PIEZO2: variants seen among roughly 807,000 people sequenced by gnomAD.
PIEZO2 encodes the protein piezo-type mechanosensitive ion channel component 2.
PIEZO2 carries 172 observed loss-of-function variants against 337.3 expected under a neutral mutation model. That is an observed-to-expected ratio of 0.51 (90% confidence interval 0.45 to 0.58). The LOEUF (loss-of-function observed/expected upper bound fraction) is 0.58, where lower values mean the gene tolerates loss of function less well. Ranked by LOEUF, PIEZO2 falls within the 20% of genes least tolerant of loss-of-function variation. The pLI, the probability that PIEZO2 is intolerant of heterozygous loss-of-function variation, is 0.00. For synonymous variants in PIEZO2, 1,251 were observed against 1,228.5 expected (o/e 1.02, Z -0.38); for missense variants, 3,028 against 3,391.3 (o/e 0.89, Z 2.66).
intron 2 of PIEZO2, among the ~76,000 whole-genome samples, chr18:11,042,137 A>T (rs2037145982): frequency 6.6e-6 from 1 of 152,222 alleles, no homozygotes; most frequent in Admixed American, 6.5e-5. Context: ...ATGATCAAAT[A>T]TACTTTCATT....
At chr18:11,019,192 T>A (rs891556702) in intron 2 of PIEZO2, among the ~76,000 whole-genome samples, 4 of 152,206 alleles carry the variant, frequency 2.6e-5, no homozygotes, top group Non-Finnish European at 2.9e-5. Context: ...CTTCTAAGGG[T>A]CCTCCCTGTT....
At position 11,132,129 on chromosome 18, in the gene PIEZO2, G is replaced by A. The variant is rs552941498; in HGVS notation, c.64+16396C>T. 5.3e-5 allele frequency among the ~76,000 whole-genome samples: 8 copies of A among 152,288 alleles called. No homozygotes were observed. Among genetic ancestry groups the A allele is most frequent in the Admixed American group, 4.6e-4 (7 of 15,304 alleles). ...TGGACCTCTTCCAACATGGAAAGAG[G>A]AGAGATTTGTTCTCACTGGAATAGA... On this transcript the variant is annotated intron_variant, in intron 1 of 55. Transcript: ENST00000674853. The surrounding 1 kb of genome is among the most constrained non-coding windows in gnomAD (Gnocchi z 4.7).
intron 1 of PIEZO2, among the ~76,000 whole-genome samples, chr18:11,076,015 T>C (rs946095076): frequency 1.3e-5 from 2 of 152,122 alleles, no homozygotes; most frequent in Admixed American, 6.5e-5. Context: ...CTGGATCTCC[T>C]GACCTTGTGA....
At chr18:10,694,768 A>G (rs2035009597) in intron 47 of PIEZO2, among the ~76,000 whole-genome samples, 1 of 152,146 alleles carries the variant, frequency 6.6e-6, no homozygotes, top group African/African-American at 2.4e-5. Flanking sequence ...CCAGGAGTTC[A>G]AGGTTGCAGT....
In PIEZO2 at chr18:11,143,155, G is replaced by C. The variant is rs558642848; in HGVS notation, c.64+5370C>G. Among the ~76,000 whole-genome samples, 5 of 151,122 alleles carry C rather than the reference G, an allele frequency of 3.3e-5. No individual in the cohort carries two copies. Among genetic ancestry groups the C allele is most frequent in the Non-Finnish European group, 5.9e-5 (4 of 67,774 alleles). On this transcript the variant is annotated intron_variant, in intron 1 of 55. Transcript: ENST00000674853. This position sits in a 1 kb window ranked among gnomAD's most constrained non-coding sequence, Gnocchi z 4.9. ...CCTCAGTTCAATGGGATTTTTTTTT[G>C]ACTGATTCCATGTCCTCAAGACAAC...
intron 36 of PIEZO2, chr18:10,725,293 G>C: frequency 3.2e-6 from 5 of 1,578,774 alleles, no homozygotes; most frequent in African/African-American, 1.3e-5. Flanking sequence ...GTCCATTGTG[G>C]GTAAATACAG....
At chr18:10,720,864 G>A (rs953139510) in intron 36 of PIEZO2, among the ~76,000 whole-genome samples, 15 of 152,152 alleles carry the variant, frequency 9.9e-5, no homozygotes, top group East Asian at 5.8e-4. Context: ...ATCCGGTCTT[G>A]ACCAGCTAAG....
chr18:10,973,965 G>T lies in PIEZO2; in HGVS notation c.286+5570C>A, dbSNP rs1385416823. Among the ~76,000 whole-genome samples, 2 of 152,166 alleles carry T rather than the reference G, an allele frequency of 1.3e-5. No individual in the cohort carries two copies. The highest frequency in any genetic ancestry group is 4.8e-5 in the African/African-American group (2 of 41,430). On this transcript the variant is annotated intron_variant, in intron 3 of 55. Transcript: ENST00000674853. The surrounding 1 kb of genome is among the most constrained non-coding windows in gnomAD (Gnocchi z 4.9). ...ATTTGTATGAGGATGGATCCACCAG[G>T]TGATTCTGCAGATCTAGGGTCCATC...
In PIEZO2 at chr18:10,763,066, A is replaced by G; in HGVS notation, c.2979T>C (p.Ser993=). Residue 993 remains serine, a synonymous_variant, in exon 22 of 56, where the codon TCT becomes TCC. Transcript: ENST00000674853. ...VSLFNYVFLI[S]WAFALPYAKL... is the part of the protein sequence containing the mutation. ...TGGCGTACGGCAGAGCAAAAGCCCA[A>G]GAAATCAAAAATACATAGTTGAACA... 1 of 1,537,360 alleles carries G rather than the reference A, an allele frequency of 6.5e-7. No individual in the cohort carries two copies. Among genetic ancestry groups the G allele is most frequent in the South Asian group, 1.2e-5 (1 of 84,066 alleles).
rs754639151 is a variant in PIEZO2 at position 10,903,111 on chromosome 18, C to T, written c.329+8075G>A. Among the ~76,000 whole-genome samples the T allele has an allele frequency of 6.0e-4, 91 of 152,176 alleles. No individual in the cohort carries two copies. The highest frequency in any genetic ancestry group is 8.1e-4 in the Non-Finnish European group (55 of 68,040). The stretch of plus-strand genomic sequence containing the variant: ...ATTCCAGAATCCTTCCTCCCCTACA[C>T]GCTGACAGTCAATTATTCACCAAGT... On this transcript the variant is annotated intron_variant, in intron 4 of 55. Transcript: ENST00000674853. This position sits in a 1 kb window ranked among gnomAD's most constrained non-coding sequence, Gnocchi z 4.1.
intron 21 of PIEZO2, among the ~76,000 whole-genome samples, chr18:10,768,650 A>G (rs1374993881): frequency 6.6e-6 from 1 of 152,226 alleles, no homozygotes; most frequent in African/African-American, 2.4e-5. Context: ...GAAAATTCTG[A>G]AAGTCTGCAC....
At chr18:10,907,407 C>A (rs1246581710) in intron 4 of PIEZO2, among the ~76,000 whole-genome samples, 1 of 151,206 alleles carries the variant, frequency 6.6e-6, no homozygotes, top group Admixed American at 6.6e-5. Flanking sequence ...CACGCCGCTG[C>A]ATTCCAGTCT....
intron 52 of PIEZO2, among the ~76,000 whole-genome samples, chr18:10,679,589 T>C (rs1567939975): frequency 2.0e-5 from 3 of 152,252 alleles, no homozygotes. Context: ...CCTTCATTTC[T>C]AGTGTTTATG....
At chr18:10,788,352 TGA>T (rs754808687) in intron 15 of PIEZO2, among the ~76,000 whole-genome samples, 1 of 142,070 alleles carries the variant, frequency 7.0e-6, no homozygotes. Flanking sequence ...CAGTGAGCAA[TGA>T]GCAGAGATCA....
chr18:11,026,060 G>A (rs544215232), intron 2 of PIEZO2, among the ~76,000 whole-genome samples: 1 of 152,222 alleles, frequency 6.6e-6, no homozygotes, highest in East Asian at 1.9e-4. Flanking sequence ...CCCTGAACTG[G>A]TAGTTCAGAT....
At chr18:10,891,864 A>G (rs148566923) in intron 4 of PIEZO2, among the ~76,000 whole-genome samples, 8 of 152,316 alleles carry the variant, frequency 5.3e-5, no homozygotes, top group Admixed American at 3.3e-4. Context: ...AAATGAAAAT[A>G]TAAATTTGTA....
chr18:10,995,312 A>G lies in PIEZO2; in HGVS notation c.161-15652T>C, dbSNP rs903998550. Among the ~76,000 whole-genome samples the G allele has an allele frequency of 1.4e-4, 21 of 152,022 alleles. No homozygotes were observed. In the East Asian group the frequency reaches 2.7e-3, roughly 20 times the overall value. Reference sequence around the variant, plus strand: ...ATTCATGACTTTAACCCACTTTTGGATGGGATTGTTTGTTTTTTCTTGCTA... The same window carrying G: ...ATTCATGACTTTAACCCACTTTTGGGTGGGATTGTTTGTTTTTTCTTGCTA... On this transcript the variant is annotated intron_variant, in intron 2 of 55. Transcript: ENST00000674853.
Position 10,726,448 on chromosome 18 carries a change from C to A in PIEZO2, c.5029+4959G>T. The A allele has an allele frequency of 6.5e-7, 1 of 1,529,722 alleles. No homozygotes were observed. Among genetic ancestry groups the A allele is most frequent in the Non-Finnish European group, 8.7e-7 (1 of 1,144,864 alleles). The allele number at this position is 1,529,722 out of a possible 1,614,324, so 94.8% of individuals were successfully genotyped here. On this transcript the variant is annotated intron_variant, in intron 36 of 55. Transcript: ENST00000674853. The surrounding 1 kb of genome is among the most constrained non-coding windows in gnomAD (Gnocchi z 5.9). ...GGCCGGCTGCGGTACGGGCTACGGCCGGCGAACCCCACGAGGAGGGCCTGG... is the reference window on the plus strand; with the variant it reads ...GGCCGGCTGCGGTACGGGCTACGGCAGGCGAACCCCACGAGGAGGGCCTGG...
chr18:10,757,388 TG>T (rs1457487012), intron 27 of PIEZO2, among the ~76,000 whole-genome samples: 4 of 131,442 alleles, frequency 3.0e-5, no homozygotes, highest in African/African-American at 1.1e-4. Context: ...GAATGAGAGA[TG>T]GGGGATGAGA....
Sources: gnomAD v4.1 joint callset for allele counts (sites outside exome capture counted in the v4.1 genomes callset) on GRCh38, gnomAD v4.1.1 for gene constraint, Gnocchi (gnomAD v3.1) non-coding constraint, MANE v1.5 for transcripts, NCBI Gene and HGNC (gene_info 2026-07-23, HGNC 2026-07-21) for gene names.